The following PLEKHM2 variants were observed in gnomAD, a reference collection of about 807,000 sequenced individuals.
PLEKHM2 encodes pleckstrin homology domain-containing family M member 2.
A neutral mutation model predicts 116.3 loss-of-function variants in PLEKHM2; 77 were observed. The ratio of observed to expected loss-of-function variants is 0.66; its 90% CI spans 0.55 to 0.80. The LOEUF (loss-of-function observed/expected upper bound fraction) is 0.80. Among genes scored for constraint, PLEKHM2 ranks in the 30% least tolerant of loss-of-function variants. The pLI is 0.00. For missense variants in PLEKHM2, 1,183 were observed against 1,354.9 expected (o/e 0.87, Z 1.99); for synonymous variants, 562 against 571.0 (o/e 0.98, Z 0.22).
intron 8 of PLEKHM2, among the ~76,000 whole-genome samples, chr1:15,726,685 G>A (rs1428497564): frequency 1.3e-5 from 2 of 152,200 alleles, no homozygotes; most frequent in African/African-American, 4.8e-5. Flanking sequence ...ACCAGCCATG[G>A]CCTGTTTTTC....
At chr1:15,723,153 TGGGCATGCG>T (rs1308734397) in intron 7 of PLEKHM2, 8 of 152,072 alleles carry the variant, frequency 5.3e-5, no homozygotes, top group Admixed American at 2.0e-4. Context: ...ACAGAGCTGG[TGGGCATGCG>T]GGCCTTGACA....
chr1:15,688,204 A>G (rs1039209673), intron 1 of PLEKHM2, among the ~76,000 whole-genome samples: 27 of 152,168 alleles, frequency 1.8e-4, no homozygotes, highest in Non-Finnish European at 3.5e-4. Flanking sequence ...TCACACTTAG[A>G]TTTTGTGATG....
intron 1 of PLEKHM2, among the ~76,000 whole-genome samples, chr1:15,712,479 G>T (rs1489764927): frequency 1.3e-5 from 2 of 152,150 alleles, no homozygotes; most frequent in South Asian, 2.1e-4. Flanking sequence ...ATCCACACAG[G>T]ACTGCACAAT....
At chr1:15,703,618 G>A (rs371422076) in intron 1 of PLEKHM2, among the ~76,000 whole-genome samples, 54 of 152,260 alleles carry the variant, frequency 3.5e-4, no homozygotes, top group African/African-American at 1.3e-3. Flanking sequence ...GGATTTCTTC[G>A]TATCAACCAT....
chr1:15,706,210 G>A (rs962855292), intron 1 of PLEKHM2, among the ~76,000 whole-genome samples: 11 of 152,124 alleles, frequency 7.2e-5, no homozygotes, highest in African/African-American at 2.7e-4. Context: ...CGGCCTGTGT[G>A]GCTGTGCATG....
intron 4 of PLEKHM2, 132 bp from the exon 5 acceptor site, chr1:15,718,406 A>G (rs557601094): frequency 9.1e-6 from 6 of 656,618 alleles, no homozygotes; most frequent in South Asian, 5.2e-5. Flanking sequence ...GGCAACAGCT[A>G]TATCAAGCTG....
At chr1:15,718,274 A>G (rs1049974831) in intron 4 of PLEKHM2, among the ~76,000 whole-genome samples, 2 of 152,214 alleles carry the variant, frequency 1.3e-5, no homozygotes, top group Non-Finnish European at 2.9e-5. Context: ...TGCTGCAGGA[A>G]CAGAGTGTGT....
Position 15,732,645 on chromosome 1 carries a change from C to T in PLEKHM2, c.2839C>T (p.Pro947Ser), listed in dbSNP as rs1436914399. ...FSQDSQQLLP[P>S]WVIYLSCTSE... ...CCAGGACAGCCAGCAGCTCCTCCCG[C>T]CCTGGGTCATCTACCTGAGCTGCAC... Residue 947 changes from proline to serine, a missense_variant, in exon 19 of 20, where the codon CCC (proline) becomes TCC (serine). Physicochemically the swap from Pro to Ser is moderately conservative, Grantham distance 74 (BLOSUM62 -1). Transcript: ENST00000375799. The T allele has an allele frequency of 6.2e-7, 1 of 1,607,910 alleles. No homozygotes were observed. Among genetic ancestry groups the T allele is most frequent in the Non-Finnish European group, 8.5e-7 (1 of 1,177,280 alleles).
chr1:15,718,418 G>T, intron 4 of PLEKHM2, 120 bp from the exon 5 acceptor site: 1 of 673,546 alleles, frequency 1.5e-6, no homozygotes, highest in Non-Finnish European at 2.7e-6. Context: ...ATCAAGCTGG[G>T]TGCCGTCCAA....
At chr1:15,693,570 G>T (rs1164376843) in intron 1 of PLEKHM2, among the ~76,000 whole-genome samples, 1 of 152,192 alleles carries the variant, frequency 6.6e-6, no homozygotes, top group African/African-American at 2.4e-5. Flanking sequence ...ACAGAAACAG[G>T]TCACCATCTG....
Position 15,720,451 on chromosome 1 carries a change from G to A in PLEKHM2, c.652+531G>A, listed in dbSNP as rs546272664. The A allele has an allele frequency of 2.2e-4, 213 of 984,972 alleles. 1 individual carries two copies. Among genetic ancestry groups the A allele is most frequent in the East Asian group, 2.2e-3 (19 of 8,826 alleles). The allele number at this position is 984,972 out of a possible 1,614,324, so 61.0% of individuals were successfully genotyped here. On this transcript the variant is annotated intron_variant, in intron 6 of 19. Transcript: ENST00000375799. ...GCTCGCTGATGTGTTTGGGATGGTC[G>A]CACCCTTTGCATCAGGGACCGAGGA...
chr1:15,696,019 C>T (rs1250401907), intron 1 of PLEKHM2, among the ~76,000 whole-genome samples: 7 of 149,112 alleles, frequency 4.7e-5, no homozygotes, highest in South Asian at 2.1e-4. Context: ...TTTGCCATGT[C>T]GCCTAGGCTG....
At chr1:15,710,903 C>T (rs768995034) in intron 1 of PLEKHM2, among the ~76,000 whole-genome samples, 2 of 152,012 alleles carry the variant, frequency 1.3e-5, no homozygotes, top group Non-Finnish European at 1.5e-5. Context: ...GGCTGGGTGC[C>T]GTGGCTCATG....
At chr1:15,697,788 G>A (rs1346837036) in intron 1 of PLEKHM2, among the ~76,000 whole-genome samples, 1 of 151,928 alleles carries the variant, frequency 6.6e-6, no homozygotes, top group East Asian at 1.9e-4. Context: ...ATGCCACCAT[G>A]CCCAGCTAAT....
Position 15,703,189 on chromosome 1 carries a change from C to G in PLEKHM2, c.61-13048C>G, listed in dbSNP as rs1366846253. Among the ~76,000 whole-genome samples, 3 of 152,178 alleles carry G rather than the reference C, an allele frequency of 2.0e-5. No individual in the cohort carries two copies. The South Asian group carries it at 6.2e-4, about 32-fold the overall frequency. On this transcript the variant is annotated intron_variant, in intron 1 of 19. Transcript: ENST00000375799. ...TTCTCCCTGGGCATCACAGGAGAGTCGAACCTGCCAGGCCAGGCCGGGCCG... is the reference window on the plus strand; with the variant it reads ...TTCTCCCTGGGCATCACAGGAGAGTGGAACCTGCCAGGCCAGGCCGGGCCG...
In PLEKHM2 at chr1:15,687,199, C is replaced by T. The variant is rs1640791651; in HGVS notation, c.60+2581C>T. On this transcript the variant is annotated intron_variant, in intron 1 of 19. Transcript: ENST00000375799. ...TTGTTTTTTTTGAGATGGAGTCTTG[C>T]TCTGTCACCCAGGCTGGAGTGCAGT... Among the ~76,000 whole-genome samples the T allele has an allele frequency of 4.6e-5, 7 of 152,030 alleles. No homozygotes were observed. The South Asian group carries it at 1.2e-3, about 27-fold the overall frequency.
intron 1 of PLEKHM2, among the ~76,000 whole-genome samples, chr1:15,712,648 C>CT (rs1366648962): frequency 0.076 from 10,429 of 136,668 alleles, 905 homozygotes; most frequent in African/African-American, 0.21. Flanking sequence ...TCTTATTTTC[C>CT]TTTTTTTTTT....
chr1:15,727,864 T>C lies in PLEKHM2; in HGVS notation c.1760+32T>C. 2.7e-6 allele frequency: 4 copies of C among 1,476,582 alleles called. No individual in the cohort carries two copies. Among genetic ancestry groups the C allele is most frequent in the Non-Finnish European group, 3.7e-6 (4 of 1,090,556 alleles). 91.5% of individuals were successfully genotyped at this position (1,476,582 alleles called of 1,614,324 possible). A position where few individuals can be genotyped will look rare whatever the true frequency, so the allele number is the denominator to read the frequency against. ...AGACTCTGCAGCTGGCATGGGACTC[T>C]CCCAGCCCTTGAAGCTGGGGACACT... On this transcript the variant is annotated intron_variant, in intron 9 of 19. Coordinates refer to ENST00000375799, the MANE Select transcript of PLEKHM2 (RefSeq NM_015164.4). The surrounding 1 kb of genome is among the most constrained non-coding windows in gnomAD (Gnocchi z 7.5).
upstream of PLEKHM2, among the ~76,000 whole-genome samples, chr1:15,682,278 G>A (rs148917940): frequency 1.3e-3 from 194 of 151,256 alleles, 2 homozygotes; most frequent in East Asian, 0.023. Context: ...GCGAAACCCC[G>A]TCTCTACTAA....
Sources: allele counts gnomAD v4.1 joint callset (sites outside exome capture counted in the v4.1 genomes callset), GRCh38; gene constraint gnomAD v4.1.1; non-coding constraint Gnocchi (gnomAD v3.1); transcripts MANE v1.5; gene names NCBI Gene and HGNC (gene_info 2026-07-23, HGNC 2026-07-21).